The following PDE10A variants were observed in gnomAD, a reference collection of about 807,000 sequenced individuals.
PDE10A encodes phosphodiesterase 10A.
In PDE10A, 39 loss-of-function variants were observed where a neutral mutation model predicts 97.7. The observed-to-expected ratio is 0.40, with a 90% CI of 0.31 to 0.52. PDE10A has a LOEUF of 0.52. Ranked by LOEUF, PDE10A falls within the 20% of genes least tolerant of loss-of-function variation. The probability of loss-of-function intolerance (pLI) is 0.56; values close to 1 mark genes in which losing one functional copy is unlikely to be tolerated. For missense variants in PDE10A, 731 were observed against 1,047.8 expected, an observed-to-expected ratio of 0.70 and a Z score of 4.17; for synonymous variants, 371 against 376.8, an observed-to-expected ratio of 0.98 and a Z score of 0.18.
intron 1 of PDE10A, among the ~76,000 whole-genome samples, chr6:165,770,406 C>A (rs762324375): frequency 5.3e-5 from 8 of 152,210 alleles, no homozygotes; most frequent in Non-Finnish European, 1.0e-4. Flanking sequence ...TCCCTCCTGA[C>A]TTCCAACCTC....
intron 1 of PDE10A, among the ~76,000 whole-genome samples, chr6:165,720,164 C>T (rs1001342698): frequency 6.6e-6 from 1 of 152,062 alleles, no homozygotes; most frequent in Admixed American, 6.5e-5. Context: ...GTGGCTGTTC[C>T]GTGTGGAAAT....
At chr6:165,743,987 C>T (rs1022682858) in intron 1 of PDE10A, among the ~76,000 whole-genome samples, 5 of 152,178 alleles carry the variant, frequency 3.3e-5, no homozygotes, top group East Asian at 1.9e-4. Flanking sequence ...GGTACTTAAG[C>T]GGAGAGTGAC....
chr6:165,797,712 G>T (rs1778866974), intron 1 of PDE10A, among the ~76,000 whole-genome samples: 1 of 152,140 alleles, frequency 6.6e-6, no homozygotes, highest in Non-Finnish European at 1.5e-5. Flanking sequence ...AGGAAATGAT[G>T]AAAGCATTAT....
chr6:165,900,288 A>G (rs1232366705), intron 1 of PDE10A, among the ~76,000 whole-genome samples: 2 of 152,182 alleles, frequency 1.3e-5, no homozygotes, highest in Non-Finnish European at 2.9e-5. Flanking sequence ...CCTAACCAAC[A>G]TGGAGAAACC....
intron 18 of PDE10A, among the ~76,000 whole-genome samples, chr6:165,372,801 A>G (rs561932398): frequency 2.1e-5 from 3 of 145,868 alleles, no homozygotes; most frequent in Admixed American, 6.9e-5. Context: ...ACAAAGCTGG[A>G]GGCATCACGC....
At chr6:165,558,555 A>C (rs920464193) in intron 1 of PDE10A, among the ~76,000 whole-genome samples, 1 of 152,176 alleles carries the variant, frequency 6.6e-6, no homozygotes, top group Admixed American at 6.5e-5. Context: ...ATAAGCTGTC[A>C]TATTTTTTCT....
chr6:165,552,855 C>T (rs537859393), intron 1 of PDE10A, among the ~76,000 whole-genome samples: 84 of 152,228 alleles, frequency 5.5e-4, no homozygotes, highest in African/African-American at 1.9e-3. Flanking sequence ...GCTTAGTAAT[C>T]CTTTGTCTTG....
chr6:165,540,893 G>C (rs185166668), intron 2 of PDE10A, among the ~76,000 whole-genome samples: 1 of 152,108 alleles, frequency 6.6e-6, no homozygotes, highest in Non-Finnish European at 1.5e-5. Context: ...GCCTCCCAAA[G>C]TGTTGGGATT....
At chr6:165,465,036 C>T (rs1164343329) in intron 3 of PDE10A, among the ~76,000 whole-genome samples, 1 of 152,104 alleles carries the variant, frequency 6.6e-6, no homozygotes, top group Non-Finnish European at 1.5e-5. Context: ...GAGTAAAATT[C>T]CTGGATTGCA....
chr6:165,516,120 T>C (rs561744485), intron 2 of PDE10A, among the ~76,000 whole-genome samples: 1 of 152,190 alleles, frequency 6.6e-6, no homozygotes, highest in South Asian at 2.1e-4. Context: ...TTTCCTCCTA[T>C]CTAAGGCCAG....
chr6:165,747,921 G>A (rs538226098), intron 1 of PDE10A, among the ~76,000 whole-genome samples: 44 of 152,314 alleles, frequency 2.9e-4, no homozygotes, highest in Non-Finnish European at 5.0e-4. Context: ...AGCATTTTCC[G>A]TGGCAGAAAG....
rs144170748 is a variant in PDE10A at position 165,879,041 on chromosome 6, ACAG to A, written c.-615+108485_-615+108487del. On this transcript the variant is annotated intron_variant, in intron 1 of 19. Coordinates refer to the PDE10A transcript ENST00000366882. ...GTGACTAAGTTCATAGTGATTTGTT[ACAG>A]CAGCAATAGACACTGATGCAGATGT... Among the ~76,000 whole-genome samples, 10 of 152,356 alleles carry A rather than the reference ACAG, an allele frequency of 6.6e-5. No homozygotes were observed. In the East Asian group the frequency reaches 1.5e-3, roughly 23 times the overall value.
intron 1 of PDE10A, among the ~76,000 whole-genome samples, chr6:165,882,958 G>A (rs375525740): frequency 6.6e-6 from 1 of 152,296 alleles, no homozygotes; most frequent in Non-Finnish European, 1.5e-5. Context: ...GATTTGCGCC[G>A]GGTATGGTGG....
intron 1 of PDE10A, among the ~76,000 whole-genome samples, chr6:165,653,013 A>G (rs1400217574): frequency 6.6e-6 from 1 of 152,182 alleles, no homozygotes; most frequent in African/African-American, 2.4e-5. Context: ...GTAGCTCAGA[A>G]GCCCTGGGTC....
intron 1 of PDE10A, among the ~76,000 whole-genome samples, chr6:165,854,356 C>T (rs1184419580): frequency 6.6e-6 from 1 of 152,120 alleles, no homozygotes; most frequent in Non-Finnish European, 1.5e-5. Context: ...CAGGTGGTCC[C>T]TGGGGAACGG....
Position 165,661,946 on chromosome 6 carries a change from C to T in PDE10A, c.865+1G>A. On this transcript the variant is annotated splice_donor_variant, in intron 1 of 21. Transcript: ENST00000539869. LOFTEE classifies it high-confidence loss of function. The surrounding 1 kb of genome is among the most constrained non-coding windows in gnomAD (Gnocchi z 4.8). Reference sequence around the variant, plus strand: ...CGGGGAACGGGGAGCAGGCCACTTACTGGGGCTCAGGAAGCACTCGGTCAG... The same window carrying T: ...CGGGGAACGGGGAGCAGGCCACTTATTGGGGCTCAGGAAGCACTCGGTCAG... The T allele has an allele frequency of 9.8e-7, 1 of 1,015,680 alleles. No homozygotes were observed. The highest frequency in any genetic ancestry group is 1.5e-6 in the Non-Finnish European group (1 of 664,082). 62.9% of individuals were successfully genotyped at this position (1,015,680 alleles called of 1,614,324 possible).
At chr6:165,949,338 G>C (rs1313584342) in intron 1 of PDE10A, 2 of 152,238 alleles carry the variant, frequency 1.3e-5, no homozygotes, top group African/African-American at 2.4e-5. Flanking sequence ...CTTAGTGCAC[G>C]GGCTGGAGGA....
intron 1 of PDE10A, among the ~76,000 whole-genome samples, chr6:165,638,184 C>T (rs1287486799): frequency 6.6e-6 from 1 of 152,146 alleles, no homozygotes. Flanking sequence ...ACCACCCTCC[C>T]CCCACCAAAA....
chr6:165,655,826 T>C lies in PDE10A; in HGVS notation c.865+6121A>G, dbSNP rs906319301. On this transcript the variant is annotated intron_variant, in intron 1 of 21. Transcript: ENST00000539869. This position sits in a 1 kb window ranked among gnomAD's most constrained non-coding sequence, Gnocchi z 4.5. ...CATCCGGCCCATTTGCCACTTCACT[T>C]GCCACTGCCTGGTGGGCTCAGCTCC... is the stretch of plus-strand genomic sequence containing the variant. 3.9e-5 allele frequency among the ~76,000 whole-genome samples: 6 copies of C among 152,106 alleles called. No individual in the cohort carries two copies. The highest frequency in any genetic ancestry group is 7.4e-5 in the Non-Finnish European group (5 of 68,022).
Sources: gnomAD v4.1 joint callset for allele counts (sites outside exome capture counted in the v4.1 genomes callset) on GRCh38, gnomAD v4.1.1 for gene constraint, Gnocchi (gnomAD v3.1) non-coding constraint, MANE v1.5 for transcripts, NCBI Gene and HGNC (gene_info 2026-07-23, HGNC 2026-07-21) for gene names.